Variants in GALNTL6 observed in about 807,000 individuals in gnomAD.
GALNTL6 encodes polypeptide N-acetylgalactosaminyltransferase-like 6.
Under a neutral mutation model 73.7 loss-of-function variants are expected in GALNTL6, and 46 were observed. The ratio of observed to expected loss-of-function variants is 0.62; its 90% CI spans 0.49 to 0.80. The LOEUF (loss-of-function observed/expected upper bound fraction) is 0.80, where lower values mean the gene tolerates loss of function less well. GALNTL6 is among the 30% of genes least tolerant of loss of function. The probability of loss-of-function intolerance (pLI) is 0.00; values close to 1 mark genes in which losing one functional copy is unlikely to be tolerated. For missense variants in GALNTL6, 604 were observed against 755.0 expected, an observed-to-expected ratio of 0.80 and a Z score of 2.34; for synonymous variants, 259 against 263.7, an observed-to-expected ratio of 0.98 and a Z score of 0.17.
At chr4:172,432,745 C>T (rs1042692039) in intron 5 of GALNTL6, among the ~76,000 whole-genome samples, 1 of 151,756 alleles carries the variant, frequency 6.6e-6, no homozygotes, top group Non-Finnish European at 1.5e-5. Context: ...AAAATCTGGT[C>T]ACAAAAAAAC....
At chr4:172,740,082 C>T (rs536441671) in intron 5 of GALNTL6, among the ~76,000 whole-genome samples, 9 of 152,112 alleles carry the variant, frequency 5.9e-5, no homozygotes, top group East Asian at 1.9e-4. Context: ...GACCTCATCT[C>T]GTACCGTGTT....
intron 5 of GALNTL6, among the ~76,000 whole-genome samples, chr4:172,459,243 C>T (rs1414321113): frequency 6.6e-6 from 1 of 152,150 alleles, no homozygotes; most frequent in Non-Finnish European, 1.5e-5. Context: ...TATGACAAAT[C>T]CACAGCCAAT....
chr4:172,076,279 A>G (rs1250528518), intron 2 of GALNTL6, among the ~76,000 whole-genome samples: 1 of 152,080 alleles, frequency 6.6e-6, no homozygotes, highest in East Asian at 1.9e-4. Context: ...CTCTTTTCAC[A>G]GAATGCAATC....
rs141121614 is a variant in GALNTL6, at chr4:171,833,955, C to T, written c.138+19237C>T. Among the ~76,000 whole-genome samples, 410 of 151,772 alleles carry T rather than the reference C, an allele frequency of 2.7e-3. 1 individual carries two copies. Among genetic ancestry groups the T allele is most frequent in the Middle Eastern group, 6.8e-3 (2 of 294 alleles). ...GGAGCAAAATATGCAATGTGATCTC[C>T]TTTTTATAACAGTTTGCATAGATGT... On this transcript the variant is annotated intron_variant, in intron 2 of 12. Coordinates refer to ENST00000506823, the MANE Select transcript of GALNTL6 (RefSeq NM_001034845.3).
chr4:172,097,570 G>C (rs2110953812), intron 2 of GALNTL6, among the ~76,000 whole-genome samples: 1 of 152,084 alleles, frequency 6.6e-6, no homozygotes, highest in East Asian at 1.9e-4. Context: ...CTTCCCTAAA[G>C]GGAAATTAAA....
At chr4:172,894,899 TC>T (rs1206841916) in intron 8 of GALNTL6, among the ~76,000 whole-genome samples, 2 of 151,994 alleles carry the variant, frequency 1.3e-5, no homozygotes, top group Non-Finnish European at 2.9e-5. Flanking sequence ...AATTGTTATA[TC>T]CTCTTGCTGA....
rs964621660 is a variant in GALNTL6, at chr4:172,270,993, T to C, written c.248-40621T>C. Among the ~76,000 whole-genome samples, 10 of 152,158 alleles carry C rather than the reference T, an allele frequency of 6.6e-5. No homozygotes were observed. In the South Asian group the frequency reaches 2.1e-3, roughly 32 times the overall value. On this transcript the variant is annotated intron_variant, in intron 3 of 12. Coordinates refer to ENST00000506823, the MANE Select transcript of GALNTL6 (RefSeq NM_001034845.3). ...TTAAAATATTTCTCTACACTACTAA[T>C]ATAGATGTCCCATAGATAAAGACCC... is the stretch of plus-strand genomic sequence containing the variant.
At chr4:172,570,186 G>A (rs1022861710) in intron 5 of GALNTL6, among the ~76,000 whole-genome samples, 4 of 152,156 alleles carry the variant, frequency 2.6e-5, no homozygotes, top group Non-Finnish European at 1.5e-5. Context: ...GGTACGGAGA[G>A]AGAAGACATC....
chr4:172,400,147 A>G (rs577892352), intron 5 of GALNTL6, among the ~76,000 whole-genome samples: 10 of 152,282 alleles, frequency 6.6e-5, no homozygotes, highest in Non-Finnish European at 1.5e-4. Context: ...ATTATCACCT[A>G]CTTGCTTTCT....
intron 2 of GALNTL6, among the ~76,000 whole-genome samples, chr4:172,198,231 A>G (rs1156313682): frequency 6.6e-6 from 1 of 152,124 alleles, no homozygotes; most frequent in Non-Finnish European, 1.5e-5. Context: ...ATTGCAGCAA[A>G]AGCAAAAATT....
At chr4:172,087,165 C>T (rs1280759687) in intron 2 of GALNTL6, among the ~76,000 whole-genome samples, 3 of 152,236 alleles carry the variant, frequency 2.0e-5, no homozygotes, top group South Asian at 2.1e-4. Context: ...GAGCACTGGC[C>T]GGGCGCAGTG....
intron 2 of GALNTL6, among the ~76,000 whole-genome samples, chr4:172,177,640 T>C (rs1307916488): frequency 6.6e-6 from 1 of 151,474 alleles, no homozygotes; most frequent in Non-Finnish European, 1.5e-5. Context: ...ATAGATATCA[T>C]TTTATATTCT....
At chr4:171,971,678 A>C (rs1739573271) in intron 2 of GALNTL6, among the ~76,000 whole-genome samples, 1 of 152,228 alleles carries the variant, frequency 6.6e-6, no homozygotes, top group Non-Finnish European at 1.5e-5. Context: ...AAAGCAATTC[A>C]TTGAAATGCA....
At chr4:172,501,066 G>A (rs1000260641) in intron 5 of GALNTL6, among the ~76,000 whole-genome samples, 3 of 152,154 alleles carry the variant, frequency 2.0e-5, no homozygotes, top group Admixed American at 6.6e-5. Flanking sequence ...GATAAAATTG[G>A]TAGAACTAAA....
chr4:171,920,074 G>A lies in GALNTL6; in HGVS notation c.138+105356G>A, dbSNP rs181417196. Among the ~76,000 whole-genome samples, 975 of 152,154 alleles carry A rather than the reference G, an allele frequency of 6.4e-3. 12 individuals are homozygous for A. Among genetic ancestry groups the A allele is most frequent in the African/African-American group, 0.023 (943 of 41,514 alleles). On this transcript the variant is annotated intron_variant, in intron 2 of 12. Coordinates refer to ENST00000506823, the MANE Select transcript of GALNTL6 (RefSeq NM_001034845.3). ...CATATACGCCATGGAATACTATGCAGCCATAAAAAATGATGAAGCTGGAAA... is the reference window on the plus strand; with the variant it reads ...CATATACGCCATGGAATACTATGCAACCATAAAAAATGATGAAGCTGGAAA...
chr4:172,989,312 A>G (rs140556833), intron 10 of GALNTL6, among the ~76,000 whole-genome samples: 13 of 152,302 alleles, frequency 8.5e-5, no homozygotes, highest in African/African-American at 2.9e-4. Flanking sequence ...TTTTTATTTT[A>G]CATAGGCAGA....
At chr4:172,683,232 T>C (rs1732727309) in intron 5 of GALNTL6, among the ~76,000 whole-genome samples, 1 of 152,194 alleles carries the variant, frequency 6.6e-6, no homozygotes, top group Non-Finnish European at 1.5e-5. Flanking sequence ...ATCTAAAAGA[T>C]ACTGAAATTT....
chr4:172,931,557 AG>A (rs1206486671), intron 9 of GALNTL6, among the ~76,000 whole-genome samples: 1 of 152,326 alleles, frequency 6.6e-6, no homozygotes, highest in African/African-American at 2.4e-5. Flanking sequence ...AGTCTGAACT[AG>A]GTGCTTGTTC....
At chr4:172,147,885 T>G (rs1733968386) in intron 2 of GALNTL6, among the ~76,000 whole-genome samples, 1 of 152,164 alleles carries the variant, frequency 6.6e-6, no homozygotes, top group Admixed American at 6.5e-5. Flanking sequence ...TACTCCATGC[T>G]TCTGCAAATA....
Sources: gnomAD v4.1 joint callset for allele counts (sites outside exome capture counted in the v4.1 genomes callset) on GRCh38, gnomAD v4.1.1 for gene constraint, MANE v1.5 for transcripts, NCBI Gene and HGNC (gene_info 2026-07-23, HGNC 2026-07-21) for gene names.